KIF13A: variants seen among roughly 807,000 people sequenced by gnomAD.
KIF13A encodes the protein kinesin-like protein KIF13A.
A neutral mutation model predicts 212.2 loss-of-function variants in KIF13A; 79 were observed. The observed-to-expected ratio is 0.37, with a 90% CI of 0.31 to 0.45. KIF13A has a LOEUF of 0.45. Among genes scored for constraint, KIF13A ranks in the 20% least tolerant of loss-of-function variants. KIF13A has a pLI of 1.00. For synonymous variants in KIF13A, 789 were observed against 808.6 expected (o/e 0.98, Z 0.41); for missense variants, 1,901 against 2,209.0 (o/e 0.86, Z 2.79).
intron 34 of KIF13A, 31 bp from the exon 35 acceptor site, chr6:17,775,093 G>T (rs1759831892): frequency 3.2e-6 from 5 of 1,574,928 alleles, no homozygotes; most frequent in East Asian, 4.6e-5. Context: ...TAGCAATGTG[G>T]TTTATATATT....
At chr6:17,806,890 C>G (rs957084961) in intron 18 of KIF13A, among the ~76,000 whole-genome samples, 5 of 152,250 alleles carry the variant, frequency 3.3e-5, no homozygotes, top group African/African-American at 1.2e-4. Context: ...AAAACAACAA[C>G]TGTTGCAGGA....
rs547109799 is a variant in KIF13A, at chr6:17,930,616, A to C, written c.147-32436T>G. On this transcript the variant is annotated intron_variant, in intron 2 of 38. Coordinates refer to ENST00000259711, the MANE Select transcript of KIF13A (RefSeq NM_022113.6). ...GGCAGGATGGAAGGTAGACTAGAAG[A>C]ACCTGGATTTGCCACACTTTGCCAT... 9.3e-4 allele frequency among the ~76,000 whole-genome samples: 142 copies of C among 152,320 alleles called. 2 individuals carry two copies. The highest frequency in any genetic ancestry group is 3.2e-3 in the African/African-American group (135 of 41,582).
chr6:17,932,536 C>A (rs936645698), intron 2 of KIF13A, among the ~76,000 whole-genome samples: 1 of 152,186 alleles, frequency 6.6e-6, no homozygotes, highest in Non-Finnish European at 1.5e-5. Flanking sequence ...GCCTGTGAAT[C>A]TATTTTGGGG....
At chr6:17,981,729 C>G (rs1781107879) in intron 2 of KIF13A, among the ~76,000 whole-genome samples, 1 of 151,988 alleles carries the variant, frequency 6.6e-6, no homozygotes, top group African/African-American at 2.4e-5. Context: ...TGTGTCCGGC[C>G]TTATTCTTTG....
intron 2 of KIF13A, among the ~76,000 whole-genome samples, chr6:17,901,081 CAAAAAAAAAAAA>C (rs34266366): frequency 1.4e-5 from 1 of 70,284 alleles, no homozygotes; most frequent in Non-Finnish European, 2.7e-5. Flanking sequence ...GACTCTGTCT[CAAAAAAAAAAAA>C]AAAAAAAAAA....
Position 17,855,412 on chromosome 6 carries a change from C to A in KIF13A, c.494+25G>T. 6.4e-7 allele frequency: 1 copy of A among 1,558,958 alleles called. No homozygotes were observed. Among genetic ancestry groups the A allele is most frequent in the Non-Finnish European group, 8.7e-7 (1 of 1,143,806 alleles). ...TTAAAATTATCTCCCCCTATTAACACACTTAATCTTGACCACTAACTTACC... is the reference window on the plus strand; with the variant it reads ...TTAAAATTATCTCCCCCTATTAACAAACTTAATCTTGACCACTAACTTACC... On this transcript the variant is annotated intron_variant, in intron 6 of 38. Transcript: ENST00000259711. The surrounding 1 kb of genome is among the most constrained non-coding windows in gnomAD (Gnocchi z 4.1).
rs1772448870 is a variant in KIF13A, at chr6:17,895,157, CT to C, written c.159+3010del. On this transcript the variant is annotated intron_variant, in intron 3 of 38. Transcript: ENST00000259711. The surrounding 1 kb of genome is among the most constrained non-coding windows in gnomAD (Gnocchi z 4.4). ...ATGCCACTTTCTATAGCTTCTAGTT[CT>C]CTCCAACATTTTTCAATCTTATGTT... 6.6e-6 allele frequency among the ~76,000 whole-genome samples: 1 copy of C among 152,154 alleles called. No individual in the cohort carries two copies. The highest frequency in any genetic ancestry group is 6.5e-5 in the Admixed American group (1 of 15,274).
chr6:17,935,158 G>C (rs1023420129), intron 2 of KIF13A, among the ~76,000 whole-genome samples: 1 of 152,168 alleles, frequency 6.6e-6, no homozygotes, highest in Non-Finnish European at 1.5e-5. Flanking sequence ...CTCATGAGTG[G>C]GATTGGAAAT....
chr6:17,975,661 C>T (rs1455957440), intron 2 of KIF13A, among the ~76,000 whole-genome samples: 2 of 152,114 alleles, frequency 1.3e-5, no homozygotes, highest in Admixed American at 1.3e-4. Context: ...TTGGTAGAGC[C>T]CAGAGGTCTG....
chr6:17,827,514 C>T (rs931018127), intron 14 of KIF13A, among the ~76,000 whole-genome samples: 2 of 125,932 alleles, frequency 1.6e-5, no homozygotes, highest in African/African-American at 2.8e-5. Flanking sequence ...ATTCTCTCTA[C>T]ATTTTTTTTT....
chr6:17,837,211 G>T lies in KIF13A; in HGVS notation c.943-121C>A, dbSNP rs1431601943. 6.7e-6 allele frequency: 6 copies of T among 898,228 alleles called. No individual in the cohort carries two copies. In the East Asian group the frequency reaches 1.2e-4, roughly 18 times the overall value. The allele number at this position is 898,228 out of a possible 1,614,324, so 55.6% of individuals were successfully genotyped here. ...ATGAAGGAAACATTATGTGGAAATG[G>T]ACTTGCATTTCACAAATAACGTCAT... On this transcript the variant is annotated intron_variant, in intron 10 of 38. Coordinates refer to ENST00000259711, the MANE Select transcript of KIF13A (RefSeq NM_022113.6). This position sits in a 1 kb window ranked among gnomAD's most constrained non-coding sequence, Gnocchi z 5.4.
At chr6:17,974,784 A>G (rs1169065119) in intron 2 of KIF13A, among the ~76,000 whole-genome samples, 1 of 152,220 alleles carries the variant, frequency 6.6e-6, no homozygotes, top group Admixed American at 6.5e-5. Context: ...TAAGGTTGAG[A>G]ACCAAAGTCC....
chr6:17,793,404 T>C lies in KIF13A; in HGVS notation c.3222+845A>G, dbSNP rs150845402. 6.0e-3 allele frequency among the ~76,000 whole-genome samples: 912 copies of C among 152,146 alleles called. 12 individuals carry two copies. Among genetic ancestry groups the C allele is most frequent in the African/African-American group, 0.02 (836 of 41,510 alleles). ...GCCAAGTTCCTAATTTTAGAGATTC[T>C]TTTCATGGAGTACTGAATAGTTCTG... On this transcript the variant is annotated intron_variant, in intron 25 of 38. Transcript: ENST00000259711.
At chr6:17,913,453 G>C (rs1338355717) in intron 2 of KIF13A, among the ~76,000 whole-genome samples, 1 of 152,108 alleles carries the variant, frequency 6.6e-6, no homozygotes, top group Non-Finnish European at 1.5e-5. Context: ...TAGCCACATG[G>C]AGCTGGAGCC....
chr6:17,802,808 T>C (rs1022123400), intron 20 of KIF13A, among the ~76,000 whole-genome samples: 1 of 151,998 alleles, frequency 6.6e-6, no homozygotes, highest in South Asian at 2.1e-4. Context: ...ATTGGTATGA[T>C]CATGGCTCAC....
downstream of KIF13A, among the ~76,000 whole-genome samples, chr6:17,761,437 G>T (rs896315526): frequency 3.3e-5 from 5 of 151,884 alleles, no homozygotes; most frequent in Non-Finnish European, 5.9e-5. Flanking sequence ...AGGCTGGAAT[G>T]CAATGGCACA....
chr6:17,767,456 T>C (rs991984189), intron 38 of KIF13A, among the ~76,000 whole-genome samples: 34 of 152,124 alleles, frequency 2.2e-4, no homozygotes, highest in Admixed American at 7.2e-4. Context: ...GATTTCACCA[T>C]GTTGGCCAGG....
chr6:17,826,326 A>T lies in KIF13A; in HGVS notation c.1533-202T>A, dbSNP rs996121043. ...ACCAAGGGCTGCCAACACCCCTCAG[A>T]GAATGACAACCTAACATGATGCACT... On this transcript the variant is annotated intron_variant, in intron 14 of 38. Transcript: ENST00000259711. The surrounding 1 kb of genome is among the most constrained non-coding windows in gnomAD (Gnocchi z 4.7). Among the ~76,000 whole-genome samples the T allele has an allele frequency of 2.0e-5, 3 of 152,254 alleles. No individual in the cohort carries two copies. Among genetic ancestry groups the T allele is most frequent in the African/African-American group, 7.2e-5 (3 of 41,476 alleles).
chr6:17,986,385 C>T (rs1781551471), intron 2 of KIF13A, among the ~76,000 whole-genome samples: 1 of 152,168 alleles, frequency 6.6e-6, no homozygotes, highest in African/African-American at 2.4e-5. Flanking sequence ...TTTTCAAATG[C>T]AAATATGTTG....
Sources: gnomAD v4.1 joint callset for allele counts (sites outside exome capture counted in the v4.1 genomes callset) on GRCh38, gnomAD v4.1.1 for gene constraint, Gnocchi (gnomAD v3.1) non-coding constraint, MANE v1.5 for transcripts, NCBI Gene and HGNC (gene_info 2026-07-23, HGNC 2026-07-21) for gene names.